Variants in AGAP1 observed in about 807,000 individuals in gnomAD.
AGAP1 encodes ArfGAP with GTPase domain, ankyrin repeat and PH domain 1, also known as arf-GAP with GTPase, ANK repeat and PH domain-containing protein 1.
In AGAP1, 29 loss-of-function variants were observed where a neutral mutation model predicts 105.3. The observed-to-expected ratio is 0.28, with a 90% CI of 0.21 to 0.38. The LOEUF is 0.38. Among genes scored for constraint, AGAP1 ranks in the 10% least tolerant of loss-of-function variants. AGAP1 has a pLI of 1.00. For synonymous variants in AGAP1, 509 were observed against 485.9 expected (o/e 1.05, Z -0.63); for missense variants, 998 against 1,165.1 (o/e 0.86, Z 2.09).
chr2:235,585,091 C>CT (rs1945063090), intron 1 of AGAP1, among the ~76,000 whole-genome samples: 1 of 151,948 alleles, frequency 6.6e-6, no homozygotes, highest in Non-Finnish European at 1.5e-5. Context: ...TAGCTCTGGT[C>CT]TTTCCCTCTC....
rs1156399016 is a variant in AGAP1 at position 236,092,240 on chromosome 2, A to G, written c.2115-27952A>G. ...TTCCATGGACACATAAATACAAATGACCACAAGGAAAATCGGAAATGTGGA... is the reference window on the plus strand; with the variant it reads ...TTCCATGGACACATAAATACAAATGGCCACAAGGAAAATCGGAAATGTGGA... On this transcript the variant is annotated intron_variant, in intron 16 of 17. Transcript: ENST00000304032. The surrounding 1 kb of genome is among the most constrained non-coding windows in gnomAD (Gnocchi z 4.7). Among the ~76,000 whole-genome samples, 2 of 152,170 alleles carry G rather than the reference A, an allele frequency of 1.3e-5. No individual in the cohort carries two copies. Among genetic ancestry groups the G allele is most frequent in the African/African-American group, 2.4e-5 (1 of 41,442 alleles).
At chr2:235,878,520 C>A (rs561671043) in intron 9 of AGAP1, among the ~76,000 whole-genome samples, 6 of 152,218 alleles carry the variant, frequency 3.9e-5, no homozygotes, top group South Asian at 2.1e-4. Context: ...CTGGGCACCC[C>A]GTTCCTGGAA....
At chr2:235,670,633 C>T (rs1203601472) in intron 1 of AGAP1, 12 of 620,408 alleles carry the variant, frequency 1.9e-5, no homozygotes, top group Non-Finnish European at 2.9e-5. Context: ...ACAGCAGCTC[C>T]GGGAGCCTGG....
chr2:236,114,889 C>T lies in AGAP1; in HGVS notation c.2115-5303C>T, dbSNP rs1369646331. On this transcript the variant is annotated intron_variant, in intron 16 of 17. Coordinates refer to ENST00000304032, the MANE Select transcript of AGAP1 (RefSeq NM_001037131.3). This position sits in a 1 kb window ranked among gnomAD's most constrained non-coding sequence, Gnocchi z 5.0. ...GGGCAGGAGCCAACCAGATGTTGCT[C>T]CTGCAACTCTGACAGCTATGAGGTC... Among the ~76,000 whole-genome samples, 3 of 152,148 alleles carry T rather than the reference C, an allele frequency of 2.0e-5. No homozygotes were observed. Among genetic ancestry groups the T allele is most frequent in the South Asian group, 2.1e-4 (1 of 4,832 alleles).
In AGAP1 at chr2:235,799,969, G is replaced by T. The variant is rs928195201; in HGVS notation, c.957+447G>T. On this transcript the variant is annotated intron_variant, in intron 8 of 17. Transcript: ENST00000304032. This position sits in a 1 kb window ranked among gnomAD's most constrained non-coding sequence, Gnocchi z 5.0. The stretch of plus-strand genomic sequence containing the variant: ...GGGTGGAGGTGGGGGACTGGGAGGT[G>T]CTTCCTGGAGGCTCATTGCCATGAG... Among the ~76,000 whole-genome samples the T allele has an allele frequency of 2.6e-5, 4 of 152,066 alleles. No homozygotes were observed. Among genetic ancestry groups the T allele is most frequent in the African/African-American group, 9.7e-5 (4 of 41,432 alleles).
intron 1 of AGAP1, among the ~76,000 whole-genome samples, chr2:235,604,635 T>C (rs1354364971): frequency 4.5e-5 from 6 of 133,072 alleles, no homozygotes; most frequent in Non-Finnish European, 9.2e-5. Context: ...CAGGCTGGAG[T>C]GCAGTGGCAC....
Position 236,104,208 on chromosome 2 carries a change from C to A in AGAP1, c.2115-15984C>A, listed in dbSNP as rs950070695. 2.6e-5 allele frequency among the ~76,000 whole-genome samples: 4 copies of A among 152,212 alleles called. No homozygotes were observed. The highest frequency in any genetic ancestry group is 2.6e-4 in the Admixed American group (4 of 15,290). On this transcript the variant is annotated intron_variant, in intron 16 of 17. Coordinates refer to ENST00000304032, the MANE Select transcript of AGAP1 (RefSeq NM_001037131.3). The surrounding 1 kb of genome is among the most constrained non-coding windows in gnomAD (Gnocchi z 4.7). The stretch of plus-strand genomic sequence containing the variant: ...AGGGCCCGCTCCAGCAGCCGGGGCG[C>A]TGGTAGGGCCAGGCCTGTTGGCTGC...
In AGAP1 at chr2:235,691,228, A is replaced by G. The variant is rs372556294; in HGVS notation, c.164-17951A>G. On this transcript the variant is annotated intron_variant, in intron 1 of 17. Transcript: ENST00000304032. This position sits in a 1 kb window ranked among gnomAD's most constrained non-coding sequence, Gnocchi z 4.4. ...ATGCTGGTGCCTTTTCCCACCGTCA[A>G]TCAAGCACATGCGCATAGGGCTCTG... is the stretch of plus-strand genomic sequence containing the variant. Among the ~76,000 whole-genome samples, 277 of 152,272 alleles carry G rather than the reference A, an allele frequency of 1.8e-3. 7 individuals carry two copies. In the South Asian group the frequency reaches 0.054, roughly 30 times the overall value.
In AGAP1 at chr2:235,931,973, T is replaced by C. The variant is rs986720402; in HGVS notation, c.1483+1050T>C. Among the ~76,000 whole-genome samples, 5 of 152,164 alleles carry C rather than the reference T, an allele frequency of 3.3e-5. No homozygotes were observed. The stretch of plus-strand genomic sequence containing the variant: ...CCATCCCAGCGCCAGGGCTTGCTCC[T>C]TCCCTCAAAAGAAGGTGCTTTGTTA... On this transcript the variant is annotated intron_variant, in intron 12 of 17. Transcript: ENST00000304032. The surrounding 1 kb of genome is among the most constrained non-coding windows in gnomAD (Gnocchi z 5.6).
chr2:236,019,381 G>A (rs915425699), intron 13 of AGAP1, among the ~76,000 whole-genome samples: 2 of 152,214 alleles, frequency 1.3e-5, no homozygotes, highest in African/African-American at 4.8e-5. Context: ...TGGGGGCTTT[G>A]TGGAGAGCAG....
chr2:235,680,240 C>T (rs1057114517), intron 1 of AGAP1, among the ~76,000 whole-genome samples: 2 of 152,110 alleles, frequency 1.3e-5, no homozygotes, highest in African/African-American at 4.8e-5. Flanking sequence ...TCTGCTTTGT[C>T]CGTGGAAATG....
rs1444476065 is a variant in AGAP1 at position 235,578,062 on chromosome 2, G to A, written c.163+83213G>A. Among the ~76,000 whole-genome samples the A allele has an allele frequency of 6.6e-6, 1 of 152,088 alleles. No individual in the cohort carries two copies. The highest frequency in any genetic ancestry group is 2.4e-5 in the African/African-American group (1 of 41,420). ...AGGAGCTGGGTACCACTGTTATCCT[G>A]CCTGCTGGTCTGAGGGTCCGAGCGT... On this transcript the variant is annotated intron_variant, in intron 1 of 17. Coordinates refer to ENST00000304032, the MANE Select transcript of AGAP1 (RefSeq NM_001037131.3). This position sits in a 1 kb window ranked among gnomAD's most constrained non-coding sequence, Gnocchi z 4.9.
intron 6 of AGAP1, among the ~76,000 whole-genome samples, chr2:235,795,991 T>G (rs1957226317): frequency 1.3e-5 from 2 of 152,232 alleles, no homozygotes; most frequent in South Asian, 2.1e-4. Flanking sequence ...TCCCTTAGTT[T>G]CTACAAATGA....
Position 236,055,198 on chromosome 2 carries a change from C to T in AGAP1, c.2114+5917C>T, listed in dbSNP as rs1394347699. Among the ~76,000 whole-genome samples the T allele has an allele frequency of 2.0e-5, 3 of 152,078 alleles. No individual in the cohort carries two copies. The highest frequency in any genetic ancestry group is 4.4e-5 in the Non-Finnish European group (3 of 68,034). ...CAGAGGGTTCAGGGAGCTGGGGGCT[C>T]GTTTGGAGTTTTAATCAGCCTGTCT... On this transcript the variant is annotated intron_variant, in intron 16 of 17. Coordinates refer to ENST00000304032, the MANE Select transcript of AGAP1 (RefSeq NM_001037131.3). The surrounding 1 kb of genome is among the most constrained non-coding windows in gnomAD (Gnocchi z 6.2).
At chr2:235,863,943 T>C (rs1340143527) in intron 9 of AGAP1, among the ~76,000 whole-genome samples, 1 of 152,180 alleles carries the variant, frequency 6.6e-6, no homozygotes, top group African/African-American at 2.4e-5. Flanking sequence ...TCAGGAACTT[T>C]CTGTATTTAA....
intron 13 of AGAP1, among the ~76,000 whole-genome samples, chr2:236,026,639 G>A (rs2057064651): frequency 6.6e-6 from 1 of 152,204 alleles, no homozygotes; most frequent in African/African-American, 2.4e-5. Context: ...TGAGGCAGGA[G>A]AATCACTTGA....
chr2:235,945,161 C>T (rs1345879016), intron 12 of AGAP1, among the ~76,000 whole-genome samples: 1 of 152,144 alleles, frequency 6.6e-6, no homozygotes, highest in East Asian at 1.9e-4. Context: ...AGTGCAGTGG[C>T]GCGATCTCGG....
chr2:235,939,732 T>G (rs1015507742), intron 12 of AGAP1, among the ~76,000 whole-genome samples: 5 of 152,106 alleles, frequency 3.3e-5, no homozygotes, highest in African/African-American at 1.2e-4. Context: ...CTCCACATCT[T>G]GCTTGAAACC....
intron 5 of AGAP1, among the ~76,000 whole-genome samples, chr2:235,749,209 TTAAAAAA>T (rs1438081342): frequency 2.2e-5 from 3 of 133,980 alleles, no homozygotes; most frequent in Non-Finnish European, 4.7e-5. Flanking sequence ...CTCCATCTCA[TTAAAAAA>T]AAAGAAAAAA....
Sources: gnomAD v4.1 joint callset for allele counts (sites outside exome capture counted in the v4.1 genomes callset) on GRCh38, gnomAD v4.1.1 for gene constraint, Gnocchi (gnomAD v3.1) non-coding constraint, MANE v1.5 for transcripts, NCBI Gene and HGNC (gene_info 2026-07-23, HGNC 2026-07-21) for gene names.